The following MTBP variants were observed in gnomAD, a reference collection of about 807,000 sequenced individuals.
The protein encoded by MTBP is mdm2-binding protein.
A neutral mutation model predicts 117.0 loss-of-function variants in MTBP; 101 were observed. The ratio of observed to expected loss-of-function variants is 0.86; its 90% confidence interval spans 0.73 to 1.02. The LOEUF (loss-of-function observed/expected upper bound fraction) is 1.02. Among genes scored for constraint, MTBP ranks in the 50% least tolerant of loss-of-function variants. MTBP has a pLI of 0.00. For missense variants in MTBP, 970 were observed against 1,030.9 expected (o/e 0.94, Z 0.81); for synonymous variants, 350 against 351.5 (o/e 1.00, Z 0.05).
chr8:120,446,580 G>A, intron 2 of MTBP, 67 bp downstream of exon 2: 2 of 966,544 alleles, frequency 2.1e-6, no homozygotes, highest in Admixed American at 1.7e-5. Context: ...TAATTAATTT[G>A]GACCCTAAGG....
At position 120,488,248 on chromosome 8, in the gene MTBP, C is replaced by G. The variant is rs1281451697; in HGVS notation, c.1255C>G (p.His419Asp). 1.3e-6 allele frequency: 2 copies of G among 1,594,242 alleles called. No individual in the cohort carries two copies. The highest frequency in any genetic ancestry group is 1.8e-5 in the Admixed American group (1 of 55,742). ...TAGAAGATGTAAAGCCACATTGATT[C>G]ACTCAGCCAACCAGATCAATGGCTC... The part of the protein sequence containing the change: ...GNRRCKATLI[H>D]SANQINGSFA... Residue 419 changes from histidine to aspartate, a missense_variant, in exon 12 of 22, where the codon CAC becomes GAC. Coordinates refer to ENST00000305949, the MANE Select transcript of MTBP (RefSeq NM_022045.5).
intron 13 of MTBP, among the ~76,000 whole-genome samples, chr8:120,496,688 G>T (rs565662392): frequency 2.1e-5 from 3 of 145,172 alleles, no homozygotes; most frequent in Non-Finnish European, 4.5e-5. Flanking sequence ...CTATCTTTTC[G>T]TATACCTGAT....
intron 16 of MTBP, among the ~76,000 whole-genome samples, chr8:120,507,718 A>C (rs1814716956): frequency 6.6e-6 from 1 of 152,134 alleles, no homozygotes; most frequent in Non-Finnish European, 1.5e-5. Flanking sequence ...TTCACTAGAG[A>C]GAGATAAAGA....
At chr8:120,481,200 T>A (rs1814076596) in intron 11 of MTBP, among the ~76,000 whole-genome samples, 1 of 152,190 alleles carries the variant, frequency 6.6e-6, no homozygotes, top group Non-Finnish European at 1.5e-5. Flanking sequence ...GATGAGGATG[T>A]GGAGAAACTT....
rs571109470 is a variant in MTBP at position 120,496,653 on chromosome 8, C to T, written c.1448-740C>T. ...CAATGAATAGATTTTTCCTTAATCC[C>T]TTGGTTTTAACACCAGCCTCAATAC... On this transcript the variant is annotated intron_variant, in intron 13 of 21. Transcript: ENST00000305949. Among the ~76,000 whole-genome samples the T allele has an allele frequency of 5.9e-5, 9 of 151,572 alleles. No homozygotes were observed. In the East Asian group the frequency reaches 1.6e-3, roughly 26 times the overall value.
rs189063123 is a variant in MTBP, at chr8:120,459,770, A to G, written c.882+421A>G. Among the ~76,000 whole-genome samples the G allele has an allele frequency of 4.1e-3, 621 of 152,294 alleles. 5 individuals carry two copies. Among genetic ancestry groups the G allele is most frequent in the African/African-American group, 0.014 (594 of 41,578 alleles). ...TTAACTCATTTGTGAAGTGGAGGCA[A>G]TAGTAACACACTTATCTTACAAAGT... On this transcript the variant is annotated intron_variant, in intron 8 of 21. Transcript: ENST00000305949.
chr8:120,447,227 A>G (rs1221914932), intron 2 of MTBP, among the ~76,000 whole-genome samples: 3 of 151,830 alleles, frequency 2.0e-5, no homozygotes, highest in Non-Finnish European at 4.4e-5. Flanking sequence ...CCTTTTGATA[A>G]TTTTGTAGTT....
intron 16 of MTBP, 48 bp from the exon 17 acceptor site, chr8:120,509,886 T>C (rs748209002): frequency 2.2e-5 from 29 of 1,300,164 alleles, no homozygotes; most frequent in Admixed American, 1.6e-4. Context: ...AACTTTCTTT[T>C]TGTCAGTAAA....
intron 13 of MTBP, among the ~76,000 whole-genome samples, chr8:120,490,898 T>G (rs1814331258): frequency 6.6e-6 from 1 of 152,134 alleles, no homozygotes; most frequent in Admixed American, 6.5e-5. Flanking sequence ...AAAATATCTT[T>G]TTATATATTT....
At chr8:120,523,233 T>G (rs1815034194) in intron 21 of MTBP, 65 bp from the exon 22 acceptor site, 1 of 1,075,668 alleles carries the variant, frequency 9.3e-7, no homozygotes, top group Non-Finnish European at 1.4e-6. Flanking sequence ...GTTTTTACAA[T>G]ATATTTTTCT....
At chr8:120,491,125 C>G (rs1046782628) in intron 13 of MTBP, among the ~76,000 whole-genome samples, 1 of 151,972 alleles carries the variant, frequency 6.6e-6, no homozygotes, top group Non-Finnish European at 1.5e-5. Context: ...GGCTATCAGT[C>G]TTATTTTTTA....
intron 17 of MTBP, among the ~76,000 whole-genome samples, chr8:120,513,226 C>T (rs1329683192): frequency 2.0e-5 from 3 of 151,982 alleles, no homozygotes; most frequent in South Asian, 2.1e-4. Flanking sequence ...TCATCTATTC[C>T]AAGAGATTTG....
intron 11 of MTBP, among the ~76,000 whole-genome samples, chr8:120,484,169 T>C (rs1405598299): frequency 1.3e-5 from 2 of 152,156 alleles, no homozygotes; most frequent in African/African-American, 4.8e-5. Context: ...TGAAGATATA[T>C]ATATAAGTTG....
intron 16 of MTBP, 48 bp downstream of exon 16, chr8:120,506,909 T>C: frequency 6.8e-7 from 1 of 1,466,698 alleles, no homozygotes; most frequent in South Asian, 1.4e-5. Context: ...AAAATTACTT[T>C]TAAATAAAAT....
At chr8:120,510,859 A>G (rs1814789404) in intron 17 of MTBP, among the ~76,000 whole-genome samples, 1 of 152,048 alleles carries the variant, frequency 6.6e-6, no homozygotes, top group Admixed American at 6.5e-5. Context: ...GCAGTGAGCC[A>G]TGAACATGCC....
chr8:120,497,397 A>G lies in MTBP; in HGVS notation c.1452A>G (p.Arg484=), dbSNP rs755257900. The change falls in exon 14 of 22, where the codon AGA becomes AGG. Residue 484 remains arginine, a synonymous_variant. Coordinates refer to ENST00000305949, the MANE Select transcript of MTBP (RefSeq NM_022045.5). ...QVLALEECLK[R]RKLAKQPETV... ...TTGTATTGATTTGTCTTATAGAAAG[A>G]CGAAAGTTGGCAAAGCAGCCTGAAA... is the stretch of plus-strand genomic sequence containing the variant. 1.2e-6 allele frequency: 2 copies of G among 1,604,184 alleles called. No individual in the cohort carries two copies. Among genetic ancestry groups the G allele is most frequent in the Non-Finnish European group, 1.7e-6 (2 of 1,177,054 alleles).
At chr8:120,497,939 A>G (rs1814503052) in intron 14 of MTBP, among the ~76,000 whole-genome samples, 1 of 152,190 alleles carries the variant, frequency 6.6e-6, no homozygotes, top group Non-Finnish European at 1.5e-5. Context: ...AAAAGTCCAT[A>G]TGATAAGATG....
intron 11 of MTBP, among the ~76,000 whole-genome samples, chr8:120,485,304 C>T (rs1471961562): frequency 1.3e-5 from 2 of 151,858 alleles, no homozygotes; most frequent in Admixed American, 6.6e-5. Flanking sequence ...TTTTAAATTT[C>T]CATTGTGATT....
At chr8:120,445,609 G>T in intron 1 of MTBP, 21 bp downstream of exon 1, 1 of 1,577,034 alleles carries the variant, frequency 6.3e-7, no homozygotes, top group Non-Finnish European at 8.6e-7. Context: ...GGATGAGAAA[G>T]AGCGGGAACG....
Sources: allele counts gnomAD v4.1 joint callset (sites outside exome capture counted in the v4.1 genomes callset), GRCh38; gene constraint gnomAD v4.1.1; transcripts MANE v1.5; gene names NCBI Gene and HGNC (gene_info 2026-07-23, HGNC 2026-07-21).